The following SNTB1 variants were observed in gnomAD, a reference collection of about 807,000 sequenced individuals.
SNTB1 encodes the protein syntrophin beta 1.
SNTB1 carries 36 observed loss-of-function variants against 48.9 expected under a neutral mutation model. That is an observed-to-expected ratio of 0.74 (90% CI 0.56 to 0.97). The LOEUF is 0.97. Among genes scored for constraint, SNTB1 ranks in the 50% least tolerant of loss-of-function variants. The pLI is 0.00. For synonymous variants in SNTB1, 299 were observed against 294.6 expected, an observed-to-expected ratio of 1.01 and a Z score of -0.15; for missense variants, 786 against 703.4, an observed-to-expected ratio of 1.12 and a Z score of -1.33.
At chr8:120,602,791 T>TTA (rs773482710) in intron 3 of SNTB1, among the ~76,000 whole-genome samples, 2 of 150,622 alleles carry the variant, frequency 1.3e-5, no homozygotes, top group Non-Finnish European at 3.0e-5. Context: ...TTTTTAAAAA[T>TTA]TATATATATA....
intron 2 of SNTB1, among the ~76,000 whole-genome samples, chr8:120,660,232 A>G (rs1817568154): frequency 6.6e-6 from 1 of 152,244 alleles, no homozygotes; most frequent in African/African-American, 2.4e-5. Flanking sequence ...TAGCTATGAA[A>G]GTCCTAGATG....
intron 1 of SNTB1, among the ~76,000 whole-genome samples, chr8:120,800,595 G>C (rs1233657094): frequency 6.6e-6 from 1 of 152,056 alleles, no homozygotes; most frequent in African/African-American, 2.4e-5. Context: ...CCAGTCCAGA[G>C]TAGCAGCGCT....
chr8:120,761,435 C>T (rs958282431), intron 1 of SNTB1: 1 of 152,204 alleles, frequency 6.6e-6, no homozygotes, highest in Non-Finnish European at 1.5e-5. Context: ...GAGCATTCAA[C>T]ACTAATCTCT....
intron 1 of SNTB1, among the ~76,000 whole-genome samples, chr8:120,793,679 A>G (rs1820075706): frequency 6.6e-6 from 1 of 152,044 alleles, no homozygotes; most frequent in African/African-American, 2.4e-5. Context: ...ACTGCAGATC[A>G]GCCTATTAAA....
At chr8:120,578,709 A>G (rs553387696) in intron 3 of SNTB1, among the ~76,000 whole-genome samples, 1 of 152,316 alleles carries the variant, frequency 6.6e-6, no homozygotes, top group African/African-American at 2.4e-5. Flanking sequence ...ATGAGAGGAA[A>G]GGTTTACAAA....
chr8:120,551,737 A>G (rs2130655505), intron 4 of SNTB1, among the ~76,000 whole-genome samples: 1 of 151,256 alleles, frequency 6.6e-6, no homozygotes, highest in African/African-American at 2.4e-5. Context: ...AAAAAAAAAA[A>G]AAAAAAAAAA....
At chr8:120,655,153 C>A (rs554454712) in intron 2 of SNTB1, 3 of 217,130 alleles carry the variant, frequency 1.4e-5, no homozygotes, top group South Asian at 5.2e-5. Flanking sequence ...TTTTTTTCAG[C>A]GTAATCAGGA....
intron 3 of SNTB1, among the ~76,000 whole-genome samples, chr8:120,580,124 G>A (rs1816020550): frequency 6.6e-6 from 1 of 152,176 alleles, no homozygotes; most frequent in Non-Finnish European, 1.5e-5. Flanking sequence ...TTCAGCTACT[G>A]GGATTCTTGC....
chr8:120,807,193 G>A (rs1820348499), intron 1 of SNTB1, among the ~76,000 whole-genome samples: 1 of 152,152 alleles, frequency 6.6e-6, no homozygotes, highest in Non-Finnish European at 1.5e-5. Context: ...TCTCAACAAA[G>A]TTATGGATAA....
chr8:120,809,436 T>G (rs1055629029), intron 1 of SNTB1, among the ~76,000 whole-genome samples: 10 of 151,876 alleles, frequency 6.6e-5, no homozygotes, highest in African/African-American at 2.4e-4. Context: ...GTCACATAAC[T>G]GCTTGATTTT....
At chr8:120,650,022 C>T (rs986604936) in intron 2 of SNTB1, among the ~76,000 whole-genome samples, 17 of 152,320 alleles carry the variant, frequency 1.1e-4, no homozygotes, top group African/African-American at 2.9e-4. Flanking sequence ...CGCCCTGCTT[C>T]GGCTCGCGCA....
intron 1 of SNTB1, among the ~76,000 whole-genome samples, chr8:120,735,544 T>G (rs1818928219): frequency 1.3e-5 from 2 of 152,156 alleles, no homozygotes; most frequent in Non-Finnish European, 1.5e-5. Flanking sequence ...GTGTCCTTAT[T>G]ATAAAGTGTT....
chr8:120,539,834 TC>T (rs1815256400), intron 6 of SNTB1, among the ~76,000 whole-genome samples: 1 of 152,216 alleles, frequency 6.6e-6, no homozygotes. Context: ...ATATCTTCTA[TC>T]CACTATCTTA....
intron 2 of SNTB1, among the ~76,000 whole-genome samples, chr8:120,659,434 C>T (rs1243465055): frequency 6.6e-6 from 1 of 152,196 alleles, no homozygotes; most frequent in Non-Finnish European, 1.5e-5. Flanking sequence ...GTCACATCTT[C>T]AGGTCCCACT....
chr8:120,652,768 G>A (rs996420224), intron 2 of SNTB1, among the ~76,000 whole-genome samples: 2 of 152,154 alleles, frequency 1.3e-5, no homozygotes, highest in Non-Finnish European at 2.9e-5. Context: ...AGTGCTTTGT[G>A]ACCTGATGTT....
intron 2 of SNTB1, among the ~76,000 whole-genome samples, chr8:120,663,744 TATC>T (rs1219386287): frequency 6.6e-6 from 1 of 152,094 alleles, no homozygotes; most frequent in African/African-American, 2.4e-5. Flanking sequence ...ATTTTAGTGA[TATC>T]ATGCTGGGGA....
At chr8:120,799,676 T>G (rs1405395171) in intron 1 of SNTB1, among the ~76,000 whole-genome samples, 1 of 151,966 alleles carries the variant, frequency 6.6e-6, no homozygotes, top group Non-Finnish European at 1.5e-5. Flanking sequence ...AATGTTCAGT[T>G]AATAGGATTT....
At chr8:120,759,402 G>A (rs185924613) in intron 1 of SNTB1, among the ~76,000 whole-genome samples, 16 of 152,152 alleles carry the variant, frequency 1.1e-4, no homozygotes, top group African/African-American at 3.4e-4. Context: ...AAATTAGGTT[G>A]ATGGTTTGCT....
chr8:120,658,943 A>G (rs1817540135), intron 2 of SNTB1, among the ~76,000 whole-genome samples: 2 of 152,042 alleles, frequency 1.3e-5, no homozygotes, highest in Admixed American at 6.6e-5. Context: ...TGCTTTATCA[A>G]CAAAGTTTAT....
Sources: gnomAD v4.1 joint callset for allele counts (sites outside exome capture counted in the v4.1 genomes callset) on GRCh38, gnomAD v4.1.1 for gene constraint, MANE v1.5 for transcripts, NCBI Gene and HGNC (gene_info 2026-07-23, HGNC 2026-07-21) for gene names.